NWD1: variants seen among roughly 807,000 people sequenced by gnomAD.
NWD1 encodes the protein NACHT and WD repeat domain containing 1.
A neutral mutation model predicts 135.1 loss-of-function variants in NWD1; 129 were observed. The observed-to-expected ratio is 0.96, with a 90% CI of 0.83 to 1.11. NWD1 has a LOEUF of 1.11. NWD1 is among the 50% of genes least tolerant of loss of function. NWD1 has a pLI of 0.00. For synonymous variants in NWD1, 773 were observed against 786.0 expected (o/e 0.98, Z 0.28); for missense variants, 1,740 against 1,851.3 (o/e 0.94, Z 1.10).
chr19:16,792,058 T>C (rs1262719496), intron 14 of NWD1, among the ~76,000 whole-genome samples: 2 of 152,082 alleles, frequency 1.3e-5, no homozygotes, highest in East Asian at 1.9e-4. Flanking sequence ...TTCAGCACAG[T>C]TCAGGAAACA....
At chr19:16,771,938 G>C (rs1599501189) in intron 10 of NWD1, among the ~76,000 whole-genome samples, 2 of 151,104 alleles carry the variant, frequency 1.3e-5, no homozygotes, top group South Asian at 4.2e-4. Context: ...TGGGATTACA[G>C]GCCTGCGCGC....
At chr19:16,790,953 C>T (rs749123056) in intron 13 of NWD1, among the ~76,000 whole-genome samples, 3 of 151,968 alleles carry the variant, frequency 2.0e-5, no homozygotes, top group Non-Finnish European at 4.4e-5. Context: ...ATGCATAGGC[C>T]GGGTGCAGTG....
At chr19:16,726,755 G>C (rs1967346720) in intron 2 of NWD1, among the ~76,000 whole-genome samples, 1 of 152,150 alleles carries the variant, frequency 6.6e-6, no homozygotes, top group Non-Finnish European at 1.5e-5. Flanking sequence ...TGGTTTCTCA[G>C]TTTTTCAACA....
At chr19:16,733,291 C>T (rs8102441) in intron 3 of NWD1, among the ~76,000 whole-genome samples, 91,619 of 151,418 alleles carry the variant, frequency 0.61, 28,777 homozygotes, top group African/African-American at 0.73. Flanking sequence ...GAGGCCAAGG[C>T]GGGTAGATCA....
intron 5 of NWD1, chr19:16,745,216 T>G: frequency 2.7e-6 from 1 of 374,936 alleles, no homozygotes; most frequent in Non-Finnish European, 5.3e-6. Context: ...GTGAGACTTA[T>G]TCACTACCAC....
chr19:16,763,743 G>A (rs1423111189), intron 8 of NWD1, 85 bp from the exon 9 acceptor site: 16 of 858,344 alleles, frequency 1.9e-5, no homozygotes, highest in Non-Finnish European at 3.2e-5. Context: ...GCACTGTCTG[G>A]AGCATGAGGT....
intron 5 of NWD1, among the ~76,000 whole-genome samples, chr19:16,746,449 C>T (rs11878376): frequency 0.035 from 5,257 of 152,062 alleles, 146 homozygotes; most frequent in Middle Eastern, 0.071. Context: ...CTGAGGCAGA[C>T]GGATCACGAG....
At chr19:16,742,581 C>G (rs1968130032) in intron 4 of NWD1, among the ~76,000 whole-genome samples, 1 of 151,836 alleles carries the variant, frequency 6.6e-6, no homozygotes, top group Non-Finnish European at 1.5e-5. Context: ...GTCCTCTTAG[C>G]CCTGCTTCAC....
At chr19:16,789,981 G>GTAA (rs1970186853) in intron 13 of NWD1, among the ~76,000 whole-genome samples, 2 of 152,142 alleles carry the variant, frequency 1.3e-5, no homozygotes, top group South Asian at 4.1e-4. Flanking sequence ...GCCTCCCAAA[G>GTAA]TGCTGGGATT....
rs1041169129 is a variant in NWD1 at position 16,764,926 on chromosome 19, G to C, written c.2252-108G>C. 4.1e-6 allele frequency: 5 copies of C among 1,217,108 alleles called. No homozygotes were observed. The African/African-American group carries it at 7.4e-5, about 18-fold the overall frequency. 75.4% of individuals were successfully genotyped at this position (1,217,108 alleles called of 1,614,324 possible). ...ATGATCCTGCCCCAGTGTCACTACTGCTGAGCCTGAGATGCCCTGGAGGAA... is the reference window on the plus strand; with the variant it reads ...ATGATCCTGCCCCAGTGTCACTACTCCTGAGCCTGAGATGCCCTGGAGGAA... On this transcript the variant is annotated intron_variant, in intron 9 of 18. Transcript: ENST00000524140.
At chr19:16,812,583 C>T (rs1462946824) in intron 18 of NWD1, among the ~76,000 whole-genome samples, 8 of 151,522 alleles carry the variant, frequency 5.3e-5, no homozygotes, top group East Asian at 2.0e-4. Flanking sequence ...GCAGGAGAAT[C>T]GCTTGAACCT....
At chr19:16,778,448 A>G (rs1215024951) in intron 11 of NWD1, among the ~76,000 whole-genome samples, 1 of 151,272 alleles carries the variant, frequency 6.6e-6, no homozygotes, top group Admixed American at 6.6e-5. Context: ...TTCTCAGCCA[A>G]TATAATTTCT....
intron 12 of NWD1, among the ~76,000 whole-genome samples, chr19:16,786,319 C>T (rs975320200): frequency 6.6e-6 from 1 of 151,636 alleles, no homozygotes; most frequent in African/African-American, 2.4e-5. Context: ...TATCCTTGTT[C>T]TGTTATTGTA....
chr19:16,811,852 CT>C (rs1388074208), intron 18 of NWD1, among the ~76,000 whole-genome samples: 1 of 151,676 alleles, frequency 6.6e-6, no homozygotes, highest in African/African-American at 2.4e-5. Flanking sequence ...CCCTTCTCTA[CT>C]AAAAACACAA....
intron 5 of NWD1, among the ~76,000 whole-genome samples, chr19:16,747,145 T>C (rs1968356311): frequency 6.6e-6 from 1 of 151,178 alleles, no homozygotes; most frequent in South Asian, 2.1e-4. Flanking sequence ...CAAGCAATTC[T>C]CCTGCCTCAG....
chr19:16,808,162 A>C (rs755132934), intron 18 of NWD1, 26 bp downstream of exon 18: 1 of 1,603,034 alleles, frequency 6.2e-7, no homozygotes, highest in East Asian at 2.2e-5. Flanking sequence ...CCCCATGTTC[A>C]TGCTAGACCC....
At chr19:16,752,979 C>T (rs1968639238) in intron 6 of NWD1, among the ~76,000 whole-genome samples, 1 of 152,168 alleles carries the variant, frequency 6.6e-6, no homozygotes, top group South Asian at 2.1e-4. Flanking sequence ...GTCTGGGCAA[C>T]AGAGCAAGAC....
chr19:16,765,109 C>A lies in NWD1; in HGVS notation c.2327C>A (p.Ala776Asp). Residue 776 changes from alanine to aspartate, a missense_variant, in exon 10 of 19, where the codon GCC becomes GAC. By Grantham distance (126) the Ala-to-Asp change is moderately radical. Transcript: ENST00000524140. ...EDLLDDFDLCAPHLDSPEVGL... is the reference protein window; with the variant it reads ...EDLLDDFDLCDPHLDSPEVGL... Reference sequence around the variant, plus strand: ...CTGCTGGATGACTTTGACCTGTGTGCCCCTCACCTGGACTCCCCTGAGGTT... The same window carrying A: ...CTGCTGGATGACTTTGACCTGTGTGACCCTCACCTGGACTCCCCTGAGGTT... The A allele has an allele frequency of 6.2e-7, 1 of 1,614,114 alleles. No individual in the cohort carries two copies. Among genetic ancestry groups the A allele is most frequent in the Non-Finnish European group, 8.5e-7 (1 of 1,179,992 alleles).
At chr19:16,809,354 T>C (rs577074964) in intron 18 of NWD1, among the ~76,000 whole-genome samples, 1 of 151,338 alleles carries the variant, frequency 6.6e-6, no homozygotes, top group South Asian at 2.1e-4. Flanking sequence ...GATTACAGGT[T>C]TGAGCCACTG....
Sources: gnomAD v4.1 joint callset for allele counts (sites outside exome capture counted in the v4.1 genomes callset) on GRCh38, gnomAD v4.1.1 for gene constraint, MANE v1.5 for transcripts, NCBI Gene and HGNC (gene_info 2026-07-23, HGNC 2026-07-21) for gene names.